The following EPRS1 variants were observed in gnomAD, a reference collection of about 807,000 sequenced individuals.
The protein encoded by EPRS1 is bifunctional glutamate/proline--tRNA ligase.
EPRS1 carries 107 observed loss-of-function variants against 188.3 expected under a neutral mutation model. The ratio of observed to expected loss-of-function variants is 0.57; its 90% CI spans 0.49 to 0.67. The LOEUF is 0.67. Among genes scored for constraint, EPRS1 ranks in the 30% least tolerant of loss-of-function variants. The pLI is 0.00. For missense variants in EPRS1, 1,577 were observed against 1,802.2 expected (o/e 0.88, Z 2.26); for synonymous variants, 596 against 593.1 (o/e 1.00, Z -0.07).
chr1:220,027,260 T>C (rs1661993846), intron 6 of EPRS1, among the ~76,000 whole-genome samples: 1 of 151,406 alleles, frequency 6.6e-6, no homozygotes, highest in Non-Finnish European at 1.5e-5. Context: ...CCGTCTCTAC[T>C]AAAAAAAATA....
chr1:219,988,925 AG>A, intron 18 of EPRS1, 102 bp from the exon 19 acceptor site: 1 of 678,876 alleles, frequency 1.5e-6, no homozygotes, highest in Non-Finnish European at 2.5e-6. Context: ...CATTCCCATA[AG>A]TTAATCATGG....
chr1:220,011,108 C>T (rs754836073), intron 12 of EPRS1, 52 bp from the exon 13 acceptor site: 2 of 1,043,496 alleles, frequency 1.9e-6, no homozygotes, highest in Non-Finnish European at 3.0e-6. Context: ...TATAGAGCGC[C>T]ATAAGCAAAA....
chr1:219,974,088 C>T (rs945273369), intron 28 of EPRS1, among the ~76,000 whole-genome samples: 1 of 152,036 alleles, frequency 6.6e-6, no homozygotes, highest in African/African-American at 2.4e-5. Flanking sequence ...GGATTACAGG[C>T]ACCTACCACC....
intron 18 of EPRS1, among the ~76,000 whole-genome samples, chr1:219,996,391 C>G (rs899731199): frequency 5.3e-5 from 8 of 152,214 alleles, no homozygotes; most frequent in Non-Finnish European, 2.9e-5. Context: ...GTACTGTCCT[C>G]TACACCAGGA....
Position 220,025,201 on chromosome 1 carries a change from G to A in EPRS1, c.681C>T (p.Asn227=), listed in dbSNP as rs748037846. Residue 227 remains asparagine, a synonymous_variant, in exon 7 of 32, where the codon AAC becomes AAT. Coordinates refer to ENST00000366923, the MANE Select transcript of EPRS1 (RefSeq NM_004446.3). ...ATCTCATGATCAGTTTCCCTTTAAA[G>A]TTAACCTGGTAGTGCTGGTTCAGAA... ...AALLNQHYQV[N]FKGKLIMRFD... is the part of the protein sequence containing the mutation. 6.2e-7 allele frequency: 1 copy of A among 1,612,698 alleles called. No individual in the cohort carries two copies. Among genetic ancestry groups the A allele is most frequent in the Non-Finnish European group, 8.5e-7 (1 of 1,179,072 alleles).
chr1:220,030,575 G>C, intron 5 of EPRS1, 95 bp from the exon 6 acceptor site: 1 of 820,480 alleles, frequency 1.2e-6, no homozygotes, highest in Non-Finnish European at 2.1e-6. Flanking sequence ...TACACACACT[G>C]GTTATGAAAA....
chr1:220,041,184 T>C (rs1662287131), intron 1 of EPRS1, among the ~76,000 whole-genome samples: 1 of 151,726 alleles, frequency 6.6e-6, no homozygotes, highest in African/African-American at 2.4e-5. Context: ...ATACAAAAAT[T>C]AGCTAGGCAT....
At position 219,981,467 on chromosome 1, in the gene EPRS1, A is replaced by G; in HGVS notation, c.3374-10T>C. On this transcript the variant is annotated splice_polypyrimidine_tract_variant and intron_variant, in intron 23 of 31. Transcript: ENST00000366923. ...TATGCAGGATACATTACTGAAAGAC[A>G]CGGGAAAATAGAGACAGTCATTTAA... 6.4e-7 allele frequency: 1 copy of G among 1,567,770 alleles called. No individual in the cohort carries two copies. Among genetic ancestry groups the G allele is most frequent in the African/African-American group, 1.4e-5 (1 of 73,924 alleles).
chr1:219,997,429 T>C lies in EPRS1; in HGVS notation c.2182-87A>G, dbSNP rs1357017115. The C allele has an allele frequency of 1.6e-5, 19 of 1,197,784 alleles. No homozygotes were observed. The East Asian group carries it at 1.8e-4, about 11-fold the overall frequency. 74.2% of individuals were successfully genotyped at this position (1,197,784 alleles called of 1,614,324 possible). Reference sequence around the variant, plus strand: ...TTATTTCAAACTGATTGTTTTATAATGTTTCCAATTAAAAACAGAAACTTT... The same window carrying C: ...TTATTTCAAACTGATTGTTTTATAACGTTTCCAATTAAAAACAGAAACTTT... On this transcript the variant is annotated intron_variant, in intron 17 of 31. Coordinates refer to ENST00000366923, the MANE Select transcript of EPRS1 (RefSeq NM_004446.3).
rs756775247 is a variant in EPRS1, at chr1:219,997,089, A to C, written c.2435T>G (p.Ile812Ser). The C allele has an allele frequency of 6.2e-7, 1 of 1,614,090 alleles. No individual in the cohort carries two copies. The highest frequency in any genetic ancestry group is 8.5e-7 in the Non-Finnish European group (1 of 1,179,982). The change falls in exon 18 of 32, where the codon ATT becomes AGT. Residue 812 changes from isoleucine (I) to serine (S), a missense_variant. By Grantham distance (142) the Ile-to-Ser change is moderately radical. Coordinates refer to ENST00000366923, the MANE Select transcript of EPRS1 (RefSeq NM_004446.3). Reference protein sequence around the residue: ...GNPPAEIGQNISSNSSASILE... With the variant: ...GNPPAEIGQNSSSNSSASILE... The stretch of plus-strand genomic sequence containing the variant: ...AATACTTGCTGAGGAATTAGAAGAA[A>C]TATTCTGTCCTATTTCAGCAGGAGG...
chr1:220,025,834 G>C (rs890985425), intron 6 of EPRS1, among the ~76,000 whole-genome samples: 1 of 148,478 alleles, frequency 6.7e-6, no homozygotes, highest in African/African-American at 2.5e-5. Context: ...TCGCTCTGTC[G>C]CCCAGGCTGG....
intron 18 of EPRS1, among the ~76,000 whole-genome samples, chr1:219,995,845 G>A (rs1291460293): frequency 1.3e-5 from 2 of 152,154 alleles, no homozygotes; most frequent in African/African-American, 2.4e-5. Context: ...TTGATAAGGT[G>A]AAGAACTTAC....
At chr1:220,031,322 G>A (rs911448483) in intron 5 of EPRS1, among the ~76,000 whole-genome samples, 43 of 152,154 alleles carry the variant, frequency 2.8e-4, no homozygotes, top group Admixed American at 1.4e-3. Flanking sequence ...TAATAGGACC[G>A]TGGATTTGTG....
At chr1:219,989,399 G>A (rs1300253845) in intron 18 of EPRS1, among the ~76,000 whole-genome samples, 1 of 151,000 alleles carries the variant, frequency 6.6e-6, no homozygotes, top group Non-Finnish European at 1.5e-5. Flanking sequence ...GCCCCACCGA[G>A]ACACTTGTGA....
intron 15 of EPRS1, among the ~76,000 whole-genome samples, chr1:220,005,754 A>G (rs939542289): frequency 2.0e-5 from 3 of 151,798 alleles, no homozygotes; most frequent in Non-Finnish European, 4.4e-5. Flanking sequence ...TCCTCAGGTA[A>G]GTTACTCAAC....
intron 27 of EPRS1, among the ~76,000 whole-genome samples, chr1:219,979,137 G>T (rs897763959): frequency 6.6e-6 from 1 of 152,170 alleles, no homozygotes; most frequent in Non-Finnish European, 1.5e-5. Context: ...TTACAGGCGT[G>T]AGCCTGCATG....
At chr1:220,029,548 GT>G (rs1215512800) in intron 6 of EPRS1, among the ~76,000 whole-genome samples, 8 of 152,156 alleles carry the variant, frequency 5.3e-5, no homozygotes, top group African/African-American at 1.9e-4. Flanking sequence ...CTTCATTATG[GT>G]GATAGAATAC....
chr1:219,990,348 A>T, intron 18 of EPRS1, among the ~76,000 whole-genome samples: 1 of 152,184 alleles, frequency 6.6e-6, no homozygotes. Context: ...CCACTATGCA[A>T]TCTTCCCTGA....
chr1:219,970,616 A>G (rs1268991048), intron 30 of EPRS1, among the ~76,000 whole-genome samples: 2 of 152,126 alleles, frequency 1.3e-5, no homozygotes, highest in Non-Finnish European at 2.9e-5. Flanking sequence ...CATCTCTACT[A>G]AAAATACAAA....
Sources: gnomAD v4.1 joint callset for allele counts (sites outside exome capture counted in the v4.1 genomes callset) on GRCh38, gnomAD v4.1.1 for gene constraint, MANE v1.5 for transcripts, NCBI Gene and HGNC (gene_info 2026-07-23, HGNC 2026-07-21) for gene names.